The following CYFIP2 variants were observed in gnomAD, a reference collection of about 807,000 sequenced individuals.
CYFIP2 encodes the protein cytoplasmic FMR1-interacting protein 2.
A neutral mutation model predicts 158.7 loss-of-function variants in CYFIP2; 29 were observed. The observed-to-expected ratio is 0.18, with a 90% CI of 0.14 to 0.25. The LOEUF (loss-of-function observed/expected upper bound fraction) is 0.25, where lower values mean the gene tolerates loss of function less well. Ranked by LOEUF, CYFIP2 falls within the 10% of genes least tolerant of loss-of-function variation. The probability of loss-of-function intolerance (pLI) is 1.00; values close to 1 mark genes in which losing one functional copy is unlikely to be tolerated. For missense variants in CYFIP2, 852 were observed against 1,639.5 expected, an observed-to-expected ratio of 0.52 and a Z score of 8.29; for synonymous variants, 585 against 617.6, an observed-to-expected ratio of 0.95 and a Z score of 0.78.
At chr5:157,358,703 C>T (rs1373756754) in intron 23 of CYFIP2, among the ~76,000 whole-genome samples, 1 of 152,138 alleles carries the variant, frequency 6.6e-6, no homozygotes, top group Non-Finnish European at 1.5e-5. Context: ...TTGTAAAACT[C>T]CTGGTTTGGG....
intron 5 of CYFIP2, among the ~76,000 whole-genome samples, chr5:157,298,595 C>T (rs1314160936): frequency 6.6e-6 from 1 of 151,634 alleles, no homozygotes; most frequent in Non-Finnish European, 1.5e-5. Context: ...ATCCACCTGC[C>T]TTGGTCTCCC....
chr5:157,300,917 T>C (rs1374230984), intron 6 of CYFIP2, 21 bp downstream of exon 6: 3 of 1,521,630 alleles, frequency 2.0e-6, no homozygotes, highest in Admixed American at 3.8e-5. Context: ...CCTCCCCCTC[T>C]CCCCTTTCCC....
At chr5:157,293,234 T>G (rs1038079842) in intron 3 of CYFIP2, among the ~76,000 whole-genome samples, 3 of 152,184 alleles carry the variant, frequency 2.0e-5, no homozygotes, top group Non-Finnish European at 4.4e-5. Flanking sequence ...TTTTGTATTT[T>G]TAGTAGAGAC....
At chr5:157,306,290 G>A (rs979867373) in intron 8 of CYFIP2, among the ~76,000 whole-genome samples, 14 of 152,156 alleles carry the variant, frequency 9.2e-5, no homozygotes, top group Admixed American at 5.9e-4. Context: ...TCAGAAATCC[G>A]GAGAAGCCAC....
chr5:157,316,759 G>C (rs1437434381), intron 13 of CYFIP2, among the ~76,000 whole-genome samples: 1 of 152,164 alleles, frequency 6.6e-6, no homozygotes, highest in Non-Finnish European at 1.5e-5. Context: ...GGTTATTGTG[G>C]AGAATCAAAC....
chr5:157,371,767 C>T (rs1765017490), intron 26 of CYFIP2, among the ~76,000 whole-genome samples: 1 of 152,132 alleles, frequency 6.6e-6, no homozygotes, highest in Non-Finnish European at 1.5e-5. Context: ...AAAAATAAAA[C>T]ATGAATCCCT....
intron 16 of CYFIP2, 127 bp from the exon 17 acceptor site, chr5:157,325,355 T>A: frequency 3.9e-6 from 4 of 1,025,148 alleles, no homozygotes; most frequent in Non-Finnish European, 5.2e-6. Flanking sequence ...CAGGATCTAC[T>A]AATCAATATT....
chr5:157,271,830 C>A (rs1756120901), intron 1 of CYFIP2, among the ~76,000 whole-genome samples: 1 of 152,180 alleles, frequency 6.6e-6, no homozygotes, highest in Admixed American at 6.5e-5. Flanking sequence ...ACCTGAAGCC[C>A]TCCTCTTTGT....
intron 26 of CYFIP2, among the ~76,000 whole-genome samples, chr5:157,377,580 A>G (rs1460981317): frequency 2.0e-5 from 3 of 152,144 alleles, no homozygotes; most frequent in Admixed American, 6.5e-5. Context: ...CATCTTGGTA[A>G]GGGTTGTGCA....
chr5:157,302,698 C>T, intron 6 of CYFIP2, 96 bp from the exon 7 acceptor site: 1 of 830,884 alleles, frequency 1.2e-6, no homozygotes, highest in Non-Finnish European at 1.9e-6. Context: ...AGGATGATGT[C>T]ACTCTGTGTT....
At chr5:157,325,663 A>G (rs1274516449) in intron 17 of CYFIP2, 25 bp downstream of exon 17, 11 of 1,575,862 alleles carry the variant, frequency 7.0e-6, no homozygotes, top group Middle Eastern at 1.7e-4. Flanking sequence ...TGGGCCAGCA[A>G]GTGGCTCCTG....
chr5:157,269,264 G>A (rs995939364), intron 1 of CYFIP2: 1 of 151,988 alleles, frequency 6.6e-6, no homozygotes, highest in African/African-American at 2.4e-5. Context: ...AGAGAGGTGG[G>A]TGGAACCTGA....
At chr5:157,351,135 G>A (rs147863776) in intron 23 of CYFIP2, among the ~76,000 whole-genome samples, 645 of 152,068 alleles carry the variant, frequency 4.2e-3, no homozygotes, top group Non-Finnish European at 6.5e-3. Flanking sequence ...TCCAGTTCTC[G>A]GGGGAAATTC....
chr5:157,355,742 G>A (rs563022527), intron 23 of CYFIP2, among the ~76,000 whole-genome samples: 4 of 152,222 alleles, frequency 2.6e-5, no homozygotes, highest in African/African-American at 7.2e-5. Flanking sequence ...TATTTGAAAA[G>A]GGGACAAACG....
At chr5:157,269,445 A>G (rs1755892139) in intron 1 of CYFIP2, 1 of 152,208 alleles carries the variant, frequency 6.6e-6, no homozygotes, top group Non-Finnish European at 1.5e-5. Flanking sequence ...AGAGCAGCAC[A>G]GTGAGCATGG....
chr5:157,360,499 C>G, intron 25 of CYFIP2, 127 bp downstream of exon 25: 1 of 681,622 alleles, frequency 1.5e-6, no homozygotes, highest in South Asian at 1.9e-5. Flanking sequence ...CCATCCTACC[C>G]CGCCACTAGC....
At chr5:157,328,116 G>C in intron 19 of CYFIP2, 67 bp downstream of exon 19, 6 of 1,468,944 alleles carry the variant, frequency 4.1e-6, no homozygotes, top group Non-Finnish European at 1.9e-6. Flanking sequence ...ATGATTTTCT[G>C]TTGTGAAACC....
intron 23 of CYFIP2, among the ~76,000 whole-genome samples, chr5:157,357,664 A>T (rs1274571419): frequency 6.6e-6 from 1 of 152,150 alleles, no homozygotes; most frequent in African/African-American, 2.4e-5. Context: ...CCCCACCTCT[A>T]CTAAAAATAC....
intron 23 of CYFIP2, among the ~76,000 whole-genome samples, 178 bp from the exon 24 acceptor site, chr5:157,358,827 T>C (rs1281463126): frequency 6.6e-6 from 1 of 152,214 alleles, no homozygotes; most frequent in African/African-American, 2.4e-5. Context: ...CGCCATCCTG[T>C]AGTCACTGAC....
Sources: allele counts gnomAD v4.1 joint callset (sites outside exome capture counted in the v4.1 genomes callset), GRCh38; gene constraint gnomAD v4.1.1; transcripts MANE v1.5; gene names NCBI Gene and HGNC (gene_info 2026-07-23, HGNC 2026-07-21).